Variants in WDPCP observed in about 807,000 individuals in gnomAD.
WDPCP encodes WD repeat-containing and planar cell polarity effector protein fritz homolog.
A neutral mutation model predicts 93.1 loss-of-function variants in WDPCP; 71 were observed. That is an observed-to-expected ratio of 0.76 (90% CI 0.63 to 0.93). WDPCP has a LOEUF of 0.93. WDPCP is among the 40% of genes least tolerant of loss of function. The pLI, the probability that WDPCP is intolerant of heterozygous loss-of-function variation, is 0.00. For synonymous variants in WDPCP, 315 were observed against 315.0 expected, an observed-to-expected ratio of 1.00 and a Z score of 0.00; for missense variants, 844 against 887.4, an observed-to-expected ratio of 0.95 and a Z score of 0.62.
intron 2 of WDPCP, among the ~76,000 whole-genome samples, chr2:63,800,216 G>A (rs1292249732): frequency 6.6e-6 from 1 of 152,056 alleles, no homozygotes; most frequent in Non-Finnish European, 1.5e-5. Context: ...AAAACCCAAT[G>A]GAATTCTGGC....
At chr2:63,681,105 A>G (rs578246958) in intron 2 of WDPCP, among the ~76,000 whole-genome samples, 1 of 152,146 alleles carries the variant, frequency 6.6e-6, no homozygotes, top group African/African-American at 2.4e-5. Context: ...GAGACCCAGC[A>G]CATTCCCAGC....
At chr2:63,549,754 G>A (rs886207739) in intron 1 of WDPCP, among the ~76,000 whole-genome samples, 36 of 152,222 alleles carry the variant, frequency 2.4e-4, no homozygotes, top group Middle Eastern at 3.4e-3. Flanking sequence ...ACGACAGAGT[G>A]AGACTCCATC....
chr2:63,808,213 GA>G (rs1194166111), intron 2 of WDPCP, among the ~76,000 whole-genome samples: 1 of 152,166 alleles, frequency 6.6e-6, no homozygotes, highest in Non-Finnish European at 1.5e-5. Context: ...GCAGGAGACT[GA>G]AAAATTATTT....
At chr2:63,299,114 T>A (rs1044200922) in intron 13 of WDPCP, among the ~76,000 whole-genome samples, 22 of 152,144 alleles carry the variant, frequency 1.4e-4, no homozygotes, top group Non-Finnish European at 2.6e-4. Context: ...ATTCCACACG[T>A]CAGCACCTGA....
intron 2 of WDPCP, among the ~76,000 whole-genome samples, chr2:63,706,691 A>G (rs564714994): frequency 1.9e-3 from 256 of 132,376 alleles, no homozygotes; most frequent in African/African-American, 6.9e-3. Context: ...ATCTCGGCTC[A>G]CTGCAAGCTC....
At chr2:63,702,751 AGG>A (rs1669079464) in intron 2 of WDPCP, among the ~76,000 whole-genome samples, 2 of 145,858 alleles carry the variant, frequency 1.4e-5, no homozygotes, top group Non-Finnish European at 3.0e-5. Flanking sequence ...TTTAAGTTTT[AGG>A]GTACATGTGC....
At chr2:63,196,078 A>G (rs1574847831) in intron 14 of WDPCP, among the ~76,000 whole-genome samples, 1 of 152,334 alleles carries the variant, frequency 6.6e-6, no homozygotes, top group South Asian at 2.1e-4. Context: ...ATCATAGTAA[A>G]AAGTGATCTT....
chr2:63,154,170 AT>A (rs1275348175), intron 15 of WDPCP, among the ~76,000 whole-genome samples: 1 of 151,912 alleles, frequency 6.6e-6, no homozygotes, highest in Non-Finnish European at 1.5e-5. Context: ...TGTACTGTTT[AT>A]ATGTTAAAAC....
intron 12 of WDPCP, among the ~76,000 whole-genome samples, chr2:63,364,276 T>C (rs925738654): frequency 6.6e-6 from 1 of 152,196 alleles, no homozygotes; most frequent in African/African-American, 2.4e-5. Context: ...ATTTGCCTGT[T>C]GCCTCTAAAT....
At chr2:63,364,177 A>C (rs1690709740) in intron 12 of WDPCP, among the ~76,000 whole-genome samples, 2 of 152,136 alleles carry the variant, frequency 1.3e-5, no homozygotes, top group Non-Finnish European at 2.9e-5. Context: ...ATTTCTGATA[A>C]GTCTTCTATT....
In WDPCP at chr2:63,676,242, C is replaced by T. The variant is rs62179398; in HGVS notation, n.309-25404G>A. 3.4e-3 allele frequency among the ~76,000 whole-genome samples: 523 copies of T among 152,306 alleles called. 1 individual carries two copies. The highest frequency in any genetic ancestry group is 6.6e-3 in the Non-Finnish European group (448 of 68,022). On this transcript the variant is annotated intron_variant and non_coding_transcript_variant, in intron 2 of 4. Coordinates refer to the WDPCP transcript ENST00000467687. ...GTTTACAAAGGGGAGCCGGGCATTT[C>T]GTCTCCATTTCTTTCAAGGCAATTG...
At position 63,604,960 on chromosome 2, in the gene WDPCP, C is replaced by T. The variant is rs1575727029; in HGVS notation, n.488+45699G>A. 6.0e-6 allele frequency: 8 copies of T among 1,326,740 alleles called. No individual in the cohort carries two copies. The East Asian group carries it at 1.9e-4, about 31-fold the overall frequency. 82.2% of individuals were successfully genotyped at this position (1,326,740 alleles called of 1,614,324 possible). A position where few individuals can be genotyped will look rare whatever the true frequency, so the allele number is the denominator to read the frequency against. On this transcript the variant is annotated intron_variant and non_coding_transcript_variant, in intron 3 of 4. Coordinates refer to the WDPCP transcript ENST00000467687. The stretch of plus-strand genomic sequence containing the variant: ...ACAGAAAACCTTAAAGAGGGCAGGT[C>T]TTTCACAGTTGCTCTGATGACTGCA...
intron 1 of WDPCP, among the ~76,000 whole-genome samples, chr2:63,532,643 A>G (rs1488824243): frequency 6.6e-6 from 1 of 152,236 alleles, no homozygotes; most frequent in Non-Finnish European, 1.5e-5. Flanking sequence ...AAAAGCCTTT[A>G]CAGACAAGCA....
intron 2 of WDPCP, among the ~76,000 whole-genome samples, chr2:63,780,343 G>A (rs937794719): frequency 1.3e-5 from 2 of 152,136 alleles, no homozygotes; most frequent in African/African-American, 4.8e-5. Flanking sequence ...TGTACCCTGA[G>A]AGAAACTCCC....
chr2:63,503,431 C>A (rs936816801), intron 1 of WDPCP, among the ~76,000 whole-genome samples: 3 of 151,962 alleles, frequency 2.0e-5, no homozygotes, highest in African/African-American at 7.3e-5. Context: ...GCATTTTTTC[C>A]ATGACCTCAA....
intron 12 of WDPCP, among the ~76,000 whole-genome samples, chr2:63,337,304 A>G (rs1688453845): frequency 8.0e-6 from 1 of 124,270 alleles, no homozygotes. Flanking sequence ...TCCACGTCGT[A>G]GCAAGTGACA....
chr2:63,583,092 CAT>C (rs1237992405), intron 1 of WDPCP, among the ~76,000 whole-genome samples: 13 of 152,064 alleles, frequency 8.5e-5, no homozygotes, highest in Admixed American at 7.2e-4. Flanking sequence ...GTATGGGGCT[CAT>C]AACATGTAAA....
chr2:63,139,639 T>C (rs1670911688), intron 17 of WDPCP, among the ~76,000 whole-genome samples: 4 of 152,230 alleles, frequency 2.6e-5, no homozygotes, highest in Admixed American at 2.6e-4. Flanking sequence ...TGTCCATTCA[T>C]GTCCTTAGCC....
At chr2:63,791,006 C>G (rs1053164959) in intron 2 of WDPCP, among the ~76,000 whole-genome samples, 4 of 152,124 alleles carry the variant, frequency 2.6e-5, no homozygotes, top group African/African-American at 9.7e-5. Context: ...ATAAAGAAAG[C>G]TGCTTTCTCT....
Sources: gnomAD v4.1 joint callset for allele counts (sites outside exome capture counted in the v4.1 genomes callset) on GRCh38, gnomAD v4.1.1 for gene constraint, MANE v1.5 for transcripts, NCBI Gene and HGNC (gene_info 2026-07-23, HGNC 2026-07-21) for gene names.